Variants in IGSF3 observed in about 807,000 individuals in gnomAD.
The protein encoded by IGSF3 is glu-Trp-Ile EWI motif-containing protein 3.
A neutral mutation model predicts 114.4 loss-of-function variants in IGSF3; 23 were observed. The observed-to-expected ratio is 0.20, with a 90% CI of 0.14 to 0.28. The LOEUF is 0.28. Ranked by LOEUF, IGSF3 falls within the 10% of genes least tolerant of loss-of-function variation. IGSF3 has a pLI of 1.00. For synonymous variants in IGSF3, 571 were observed against 645.2 expected (o/e 0.88, Z 1.74); for missense variants, 1,172 against 1,591.5 (o/e 0.74, Z 4.48).
intron 1 of IGSF3, among the ~76,000 whole-genome samples, chr1:116,667,264 G>A (rs745332580): frequency 6.6e-6 from 1 of 152,204 alleles, no homozygotes; most frequent in African/African-American, 2.4e-5. Flanking sequence ...GGCAAATCGG[G>A]AAGGGGCTCC....
In IGSF3 at chr1:116,584,391, C is replaced by G. The variant is rs1286311641; in HGVS notation, c.2848+254G>C. ...TCTGGAAAAAGGAAATATTCTATGA[C>G]CTGGAATAATTAATGGCCAGATTTT... On this transcript the variant is annotated intron_variant, in intron 9 of 10. Coordinates refer to ENST00000369486, the MANE Select transcript of IGSF3 (RefSeq NM_001007237.3). The surrounding 1 kb of genome is among the most constrained non-coding windows in gnomAD (Gnocchi z 5.8). The G allele has an allele frequency of 2.1e-6, 1 of 481,460 alleles. No individual in the cohort carries two copies. The highest frequency in any genetic ancestry group is 3.7e-6 in the Non-Finnish European group (1 of 270,960). The allele number at this position is 481,460 out of a possible 1,614,324, so 29.8% of individuals were successfully genotyped here. A position where few individuals can be genotyped will look rare whatever the true frequency, so the allele number is the denominator to read the frequency against.
chr1:116,666,505 G>A lies in IGSF3; in HGVS notation c.-179C>T. On this transcript the variant is annotated 5_prime_UTR_variant, in exon 2 of 11. Transcript: ENST00000369486. ...AAGGAGGGAGTTGGGGGGAAGGGGAGGAGTGGAGGCAAGTGTGAAAACTCC... is the reference window on the plus strand; with the variant it reads ...AAGGAGGGAGTTGGGGGGAAGGGGAAGAGTGGAGGCAAGTGTGAAAACTCC... The A allele has an allele frequency of 4.6e-6, 3 of 646,176 alleles. No individual in the cohort carries two copies. The highest frequency in any genetic ancestry group is 2.7e-5 in the Admixed American group (1 of 37,088). 40.0% of individuals were successfully genotyped at this position (646,176 alleles called of 1,614,324 possible).
Position 116,579,434 on chromosome 1 carries a change from C to T in IGSF3, c.3292G>A (p.Glu1098Lys), listed in dbSNP as rs1484717444. The change falls in exon 10 of 11, where the codon GAG becomes AAG. Residue 1098 changes from glutamate (E) to lysine (K), a missense_variant. By Grantham distance (56) the Glu-to-Lys change is moderately conservative (BLOSUM62 1). Coordinates refer to ENST00000369486, the MANE Select transcript of IGSF3 (RefSeq NM_001007237.3). This position sits in a 1 kb window ranked among gnomAD's most constrained non-coding sequence, Gnocchi z 6.4. Reference sequence around the variant, plus strand: ...ATGCCGATGGGGGCTGACTCCTCCTCCGTCAGCCGGTACCATTCCTTCTGA... The same window carrying T: ...ATGCCGATGGGGGCTGACTCCTCCTTCGTCAGCCGGTACCATTCCTTCTGA... ...SPQKEWYRLT[E>K]EESAPIGIRV... 6.2e-7 allele frequency: 1 copy of T among 1,603,162 alleles called. No individual in the cohort carries two copies. Among genetic ancestry groups the T allele is most frequent in the East Asian group, 2.2e-5 (1 of 44,714 alleles).
chr1:116,608,123 T>C lies in IGSF3; in HGVS notation c.1041A>G (p.Gly347=). Residue 347 remains glycine, a synonymous_variant, in exon 5 of 11, where the codon GGA becomes GGG. Coordinates refer to ENST00000369486, the MANE Select transcript of IGSF3 (RefSeq NM_001007237.3). ...CGCTCTCTTTGGCCACCTTAAGCTG[T>C]CCCCTGGCTTCCCGGTGAGCAAATT... ...NSEFAHREAR[G]QLKVAKESDS... 6.2e-7 allele frequency: 1 copy of C among 1,613,910 alleles called. No individual in the cohort carries two copies. The highest frequency in any genetic ancestry group is 8.5e-7 in the Non-Finnish European group (1 of 1,179,848).
In IGSF3 at chr1:116,649,581, T is replaced by G. The variant is rs2101067844; in HGVS notation, c.43+16703A>C. 6.6e-6 allele frequency among the ~76,000 whole-genome samples: 1 copy of G among 152,306 alleles called. No homozygotes were observed. The highest frequency in any genetic ancestry group is 2.1e-4 in the South Asian group (1 of 4,820). ...TCTTACCCTTCTTCACCAGTTAATTTATTACAATCTTCCTTTGACAGCTTC... is the reference window on the plus strand; with the variant it reads ...TCTTACCCTTCTTCACCAGTTAATTGATTACAATCTTCCTTTGACAGCTTC... On this transcript the variant is annotated intron_variant, in intron 2 of 10. Coordinates refer to ENST00000369486, the MANE Select transcript of IGSF3 (RefSeq NM_001007237.3). The surrounding 1 kb of genome is among the most constrained non-coding windows in gnomAD (Gnocchi z 4.5).
Position 116,666,810 on chromosome 1 carries a change from C to T in IGSF3, c.-484G>A. 1 of 397,036 alleles carries T rather than the reference C, an allele frequency of 2.5e-6. No homozygotes were observed. The highest frequency in any genetic ancestry group is 4.3e-6 in the Non-Finnish European group (1 of 232,682). The allele number at this position is 397,036 out of a possible 1,614,324, so 24.6% of individuals were successfully genotyped here. A position where few individuals can be genotyped will look rare whatever the true frequency, so the allele number is the denominator to read the frequency against. ...ACGGCCAAATCACCCTGCCTGGCATCAACCGTTTGGGTTTCTTCACCAAAA... is the reference window on the plus strand; with the variant it reads ...ACGGCCAAATCACCCTGCCTGGCATTAACCGTTTGGGTTTCTTCACCAAAA... On this transcript the variant is annotated 5_prime_UTR_variant, in exon 2 of 11. Coordinates refer to ENST00000369486, the MANE Select transcript of IGSF3 (RefSeq NM_001007237.3).
rs1647481442 is a variant in IGSF3, at chr1:116,629,966, T to C, written c.44-13509A>G. 6.6e-6 allele frequency among the ~76,000 whole-genome samples: 1 copy of C among 152,208 alleles called. No homozygotes were observed. Among genetic ancestry groups the C allele is most frequent in the Non-Finnish European group, 1.5e-5 (1 of 68,026 alleles). On this transcript the variant is annotated intron_variant, in intron 2 of 10. Coordinates refer to ENST00000369486, the MANE Select transcript of IGSF3 (RefSeq NM_001007237.3). This position sits in a 1 kb window ranked among gnomAD's most constrained non-coding sequence, Gnocchi z 4.3. ...CCTTTCAGGGTACAAGGAAGGCACC[T>C]GAATGACAGATGGTTTGAGGAATCT...
chr1:116,660,334 G>A (rs1649058093), intron 2 of IGSF3, among the ~76,000 whole-genome samples: 1 of 152,070 alleles, frequency 6.6e-6, no homozygotes, highest in Non-Finnish European at 1.5e-5. Flanking sequence ...TTCGATCTCT[G>A]CAGGAAACTG....
chr1:116,578,454 G>A (rs1659449932), intron 10 of IGSF3, among the ~76,000 whole-genome samples: 1 of 152,158 alleles, frequency 6.6e-6, no homozygotes, highest in African/African-American at 2.4e-5. Flanking sequence ...TAATCTGCCT[G>A]TTATTCAATT....
intron 2 of IGSF3, among the ~76,000 whole-genome samples, chr1:116,643,321 C>A (rs1648192593): frequency 6.6e-6 from 1 of 152,234 alleles, no homozygotes; most frequent in African/African-American, 2.4e-5. Context: ...ATCCACCCAA[C>A]GGAACTGCCC....
intron 2 of IGSF3, among the ~76,000 whole-genome samples, chr1:116,635,120 T>A (rs1300835778): frequency 1.3e-5 from 2 of 152,230 alleles, no homozygotes; most frequent in East Asian, 3.9e-4. Context: ...TTCGGGATGA[T>A]CTGTTATGCA....
rs1647936213 is a variant in IGSF3 at position 116,638,562 on chromosome 1, C to T, written c.44-22105G>A. On this transcript the variant is annotated intron_variant, in intron 2 of 10. Transcript: ENST00000369486. This position sits in a 1 kb window ranked among gnomAD's most constrained non-coding sequence, Gnocchi z 4.1. ...ACCCACCACTCCCTCCAAACATCCC[C>T]GGTACGTCTTACTGGATTTTGCCAT... Among the ~76,000 whole-genome samples the T allele has an allele frequency of 6.6e-6, 1 of 152,200 alleles. No homozygotes were observed.
intron 6 of IGSF3, among the ~76,000 whole-genome samples, chr1:116,602,328 C>A (rs1478534193): frequency 6.6e-6 from 1 of 151,148 alleles, no homozygotes; most frequent in Non-Finnish European, 1.5e-5. Context: ...TAACTCTAAT[C>A]ACTCATTGGA....
rs144191133 is a variant in IGSF3 at position 116,627,154 on chromosome 1, G to T, written c.44-10697C>A. On this transcript the variant is annotated intron_variant, in intron 2 of 10. Transcript: ENST00000369486. This position sits in a 1 kb window ranked among gnomAD's most constrained non-coding sequence, Gnocchi z 4.7. ...TGTTGGGCATTTTTTTTTAAAGAGGGCAGCTTCGTGGCAACACTCCCTCTG... is the reference window on the plus strand; with the variant it reads ...TGTTGGGCATTTTTTTTTAAAGAGGTCAGCTTCGTGGCAACACTCCCTCTG... Among the ~76,000 whole-genome samples, 1,181 of 152,088 alleles carry T rather than the reference G, an allele frequency of 7.8e-3. 11 individuals carry two copies. The highest frequency in any genetic ancestry group is 0.027 in the African/African-American group (1,107 of 41,470).
At chr1:116,580,604 C>A (rs923653449) in intron 9 of IGSF3, among the ~76,000 whole-genome samples, 3 of 152,258 alleles carry the variant, frequency 2.0e-5, no homozygotes, top group African/African-American at 7.2e-5. Context: ...AGCAAGAAGG[C>A]GCCGTCTGCG....
At chr1:116,626,794 C>T (rs944590186) in intron 2 of IGSF3, among the ~76,000 whole-genome samples, 1 of 152,182 alleles carries the variant, frequency 6.6e-6, no homozygotes, top group Non-Finnish European at 1.5e-5. Context: ...TCCTGCCACC[C>T]TCTCACCTGC....
In IGSF3 at chr1:116,603,564, G is replaced by A; in HGVS notation, c.1624+60C>T. On this transcript the variant is annotated intron_variant, in intron 6 of 10. Transcript: ENST00000369486. The surrounding 1 kb of genome is among the most constrained non-coding windows in gnomAD (Gnocchi z 7.1). ...TCTGACTGAGAAAAGTCAGGATAAGGTGTTTGACACTGAAGCTGTCTCCAT... is the reference window on the plus strand; with the variant it reads ...TCTGACTGAGAAAAGTCAGGATAAGATGTTTGACACTGAAGCTGTCTCCAT... 2 of 1,515,682 alleles carry A rather than the reference G, an allele frequency of 1.3e-6. No homozygotes were observed. Among genetic ancestry groups the A allele is most frequent in the South Asian group, 1.2e-5 (1 of 82,220 alleles). The allele number at this position is 1,515,682 out of a possible 1,614,324, so 93.9% of individuals were successfully genotyped here.
Position 116,602,014 on chromosome 1 carries a change from G to A in IGSF3, c.1624+1610C>T, listed in dbSNP as rs201241705. 1.1e-3 allele frequency among the ~76,000 whole-genome samples: 161 copies of A among 152,314 alleles called. 3 individuals are homozygous for A. In the South Asian group the frequency reaches 0.029, roughly 27 times the overall value. On this transcript the variant is annotated intron_variant, in intron 6 of 10. Coordinates refer to ENST00000369486, the MANE Select transcript of IGSF3 (RefSeq NM_001007237.3). Reference sequence around the variant, plus strand: ...GACCCACTGTAATTAGATGGGACCCGCATCTAATTATACTGATATGAAAAT... The same window carrying A: ...GACCCACTGTAATTAGATGGGACCCACATCTAATTATACTGATATGAAAAT...
Position 116,666,892 on chromosome 1 carries a change from C to G in IGSF3, c.-566G>C, listed in dbSNP as rs1649355656. On this transcript the variant is annotated 5_prime_UTR_variant, in exon 2 of 11. Coordinates refer to ENST00000369486, the MANE Select transcript of IGSF3 (RefSeq NM_001007237.3). Reference sequence around the variant, plus strand: ...GAGGCGCCACCTGCCCCACGCCTGCCTAGGGCACACGAAGCAAGTTGGCGT... The same window carrying G: ...GAGGCGCCACCTGCCCCACGCCTGCGTAGGGCACACGAAGCAAGTTGGCGT... The G allele has an allele frequency of 4.9e-6, 2 of 405,232 alleles. No homozygotes were observed. Among genetic ancestry groups the G allele is most frequent in the Admixed American group, 8.2e-5 (2 of 24,276 alleles). 25.1% of individuals were successfully genotyped at this position (405,232 alleles called of 1,614,324 possible). A position where few individuals can be genotyped will look rare whatever the true frequency, so the allele number is the denominator to read the frequency against.
Sources: gnomAD v4.1 joint callset for allele counts (sites outside exome capture counted in the v4.1 genomes callset) on GRCh38, gnomAD v4.1.1 for gene constraint, Gnocchi (gnomAD v3.1) non-coding constraint, MANE v1.5 for transcripts, NCBI Gene and HGNC (gene_info 2026-07-23, HGNC 2026-07-21) for gene names.